Variants in SLC2A9 observed in about 807,000 individuals in gnomAD.
SLC2A9 encodes solute carrier family 2, facilitated glucose transporter member 9.
Under a neutral mutation model 50.6 loss-of-function variants are expected in SLC2A9, and 39 were observed. The ratio of observed to expected loss-of-function variants is 0.77; its 90% CI spans 0.60 to 1.01. SLC2A9 has a LOEUF of 1.01. Among genes scored for constraint, SLC2A9 ranks in the 50% least tolerant of loss-of-function variants. The pLI, the probability that SLC2A9 is intolerant of heterozygous loss-of-function variation, is 0.00. For synonymous variants in SLC2A9, 324 were observed against 276.9 expected (o/e 1.17, Z -1.69); for missense variants, 686 against 677.6 (o/e 1.01, Z -0.14).
intron 10 of SLC2A9, among the ~76,000 whole-genome samples, chr4:9,846,396 C>T (rs1389809279): frequency 6.6e-6 from 1 of 152,124 alleles, no homozygotes; most frequent in African/African-American, 2.4e-5. Flanking sequence ...TAGACACCCA[C>T]CTGCTCAGGC....
intron 5 of SLC2A9, among the ~76,000 whole-genome samples, chr4:9,943,136 G>A (rs893678622): frequency 6.6e-6 from 1 of 152,134 alleles, no homozygotes; most frequent in African/African-American, 2.4e-5. Context: ...GCTCTCCCAA[G>A]ACTCGCTCCC....
chr4:9,862,182 A>G (rs1731766085), intron 10 of SLC2A9, among the ~76,000 whole-genome samples: 1 of 151,734 alleles, frequency 6.6e-6, no homozygotes, highest in African/African-American at 2.4e-5. Context: ...CTCTTCTGCC[A>G]GGGAGAACAA....
At chr4:9,797,880 T>C (rs896134178), downstream of SLC2A9, among the ~76,000 whole-genome samples, 2 of 152,198 alleles carry the variant, frequency 1.3e-5, no homozygotes, top group African/African-American at 4.8e-5. Context: ...TTGATGTATA[T>C]ATTTTAGGCA....
At chr4:9,860,979 T>A (rs1198072538) in intron 10 of SLC2A9, among the ~76,000 whole-genome samples, 1 of 152,180 alleles carries the variant, frequency 6.6e-6, no homozygotes, top group African/African-American at 2.4e-5. Flanking sequence ...GGAGAGGCCT[T>A]CCCTGGCTAC....
chr4:9,876,245 T>C (rs1232105611), intron 10 of SLC2A9, among the ~76,000 whole-genome samples: 1 of 152,208 alleles, frequency 6.6e-6, no homozygotes, highest in Admixed American at 6.5e-5. Flanking sequence ...CCAAGGGGCC[T>C]CCATCTCTCT....
intron 3 of SLC2A9, among the ~76,000 whole-genome samples, chr4:9,799,661 A>AGT (rs1721061952): frequency 6.7e-6 from 1 of 149,168 alleles, no homozygotes; most frequent in Non-Finnish European, 1.5e-5. Flanking sequence ...TGACTCTGCA[A>AGT]GTGCAGCTTT....
chr4:9,786,683 G>A (rs139813176), intron 3 of SLC2A9, among the ~76,000 whole-genome samples: 2 of 152,260 alleles, frequency 1.3e-5, no homozygotes, highest in East Asian at 3.9e-4. Flanking sequence ...GGACATGGGG[G>A]CACAGAGGAC....
intron 10 of SLC2A9, among the ~76,000 whole-genome samples, chr4:9,881,034 ACTC>A (rs1210029124): frequency 2.6e-5 from 4 of 151,928 alleles, no homozygotes; most frequent in Admixed American, 6.6e-5. Flanking sequence ...TTATCTCCTG[ACTC>A]CTCCTCTGTG....
downstream of SLC2A9, among the ~76,000 whole-genome samples, chr4:9,825,177 T>G (rs1519092): frequency 0.93 from 142,087 of 152,318 alleles, 66,562 homozygotes; most frequent in Non-Finnish European, 0.96. Flanking sequence ...AGGACACGTT[T>G]TTTCATTTTA....
intron 3 of SLC2A9, among the ~76,000 whole-genome samples, chr4:9,993,370 A>C (rs568794942): frequency 1.3e-5 from 2 of 152,204 alleles, no homozygotes; most frequent in South Asian, 4.1e-4. Context: ...AATAAAGCCA[A>C]TGAGGTTGGT....
intron 2 of SLC2A9, among the ~76,000 whole-genome samples, chr4:10,010,718 T>G (rs1160134786): frequency 1.3e-5 from 2 of 152,206 alleles, no homozygotes; most frequent in Non-Finnish European, 2.9e-5. Context: ...GGCCAGAAAC[T>G]GCACAAACAG....
chr4:9,991,808 A>G (rs1672166346), intron 3 of SLC2A9, among the ~76,000 whole-genome samples: 1 of 152,166 alleles, frequency 6.6e-6, no homozygotes, highest in African/African-American at 2.4e-5. Context: ...CCTCGGGAGG[A>G]AAAGACCTGC....
chr4:9,835,419 C>T (rs914854393), intron 10 of SLC2A9, among the ~76,000 whole-genome samples: 2 of 152,080 alleles, frequency 1.3e-5, no homozygotes, highest in Non-Finnish European at 2.9e-5. Context: ...CCCACTTGAA[C>T]CTCCCCATCT....
downstream of SLC2A9, among the ~76,000 whole-genome samples, chr4:9,821,373 CA>C (rs1201218031): frequency 6.6e-6 from 1 of 151,784 alleles, no homozygotes; most frequent in Non-Finnish European, 1.5e-5. Flanking sequence ...TGGAATCCAT[CA>C]ATCTCAGCAA....
intron 7 of SLC2A9, among the ~76,000 whole-genome samples, chr4:9,914,742 C>A (rs1272645598): frequency 6.6e-6 from 1 of 151,930 alleles, no homozygotes; most frequent in Non-Finnish European, 1.5e-5. Flanking sequence ...TCAACCACCC[C>A]GGCCTTGCTT....
chr4:9,890,646 G>A lies in SLC2A9; in HGVS notation c.1179C>T (p.Leu393=). The change falls in exon 9 of 12, where the codon CTC becomes CTT. Residue 393 remains leucine (L), a synonymous_variant. Transcript: ENST00000264784. ...GCGTGATGGTGAGGGTCCCAAAGAA[G>A]AGGCCCATGAGCCCAAAGCCACCAA... ...LLIGGFGLMG[L]FFGTLTITLT... 6.2e-7 allele frequency: 1 copy of A among 1,614,164 alleles called. No homozygotes were observed. The highest frequency in any genetic ancestry group is 8.5e-7 in the Non-Finnish European group (1 of 1,180,028).
chr4:10,030,546 G>A (rs1763908985), intron 1 of SLC2A9, among the ~76,000 whole-genome samples: 1 of 152,048 alleles, frequency 6.6e-6, no homozygotes. Flanking sequence ...TGTTGCTCAG[G>A]GTGGGGGTGA....
intron 5 of SLC2A9, among the ~76,000 whole-genome samples, chr4:9,959,054 T>C (rs552357314): frequency 6.6e-6 from 1 of 152,014 alleles, no homozygotes; most frequent in Non-Finnish European, 1.5e-5. Context: ...AAAATTGTAC[T>C]ATATGTGTAT....
intron 5 of SLC2A9, among the ~76,000 whole-genome samples, chr4:9,965,943 T>C (rs1431386473): frequency 1.3e-5 from 2 of 152,218 alleles, no homozygotes; most frequent in Non-Finnish European, 2.9e-5. Context: ...CAGGGTGAGA[T>C]GGTTTTACTA....
Sources: allele counts gnomAD v4.1 joint callset (sites outside exome capture counted in the v4.1 genomes callset), GRCh38; gene constraint gnomAD v4.1.1; transcripts MANE v1.5; gene names NCBI Gene and HGNC (gene_info 2026-07-23, HGNC 2026-07-21).